DDC: variants seen among roughly 807,000 people sequenced by gnomAD.
DDC encodes the protein aromatic-L-amino-acid decarboxylase.
A neutral mutation model predicts 60.0 loss-of-function variants in DDC; 43 were observed. That is an observed-to-expected ratio of 0.72 (90% CI 0.56 to 0.92). The LOEUF is 0.92. Among genes scored for constraint, DDC ranks in the 40% least tolerant of loss-of-function variants. DDC has a pLI of 0.00. For synonymous variants in DDC, 232 were observed against 234.6 expected (o/e 0.99, Z 0.10); for missense variants, 573 against 620.2 (o/e 0.92, Z 0.81).
intron 11 of DDC, among the ~76,000 whole-genome samples, chr7:50,474,006 G>C (rs2042587296): frequency 6.6e-6 from 1 of 152,196 alleles, no homozygotes; most frequent in Non-Finnish European, 1.5e-5. Context: ...GTTGGAAAGG[G>C]AGTGCCAGTC....
At chr7:50,528,406 A>T in intron 5 of DDC, 126 bp from the exon 6 acceptor site, 1 of 1,162,700 alleles carries the variant, frequency 8.6e-7, no homozygotes, top group Non-Finnish European at 1.3e-6. Flanking sequence ...CAGGAGGCAG[A>T]ACTGCTCCTG....
chr7:50,540,168 C>A, intron 2 of DDC, 140 bp from the exon 3 acceptor site: 1 of 696,814 alleles, frequency 1.4e-6, no homozygotes. Flanking sequence ...CCCCAAATGT[C>A]AGCCATCCCA....
chr7:50,529,037 C>T (rs2044121123), intron 5 of DDC, among the ~76,000 whole-genome samples, 171 bp downstream of exon 5: 1 of 152,188 alleles, frequency 6.6e-6, no homozygotes, highest in Non-Finnish European at 1.5e-5. Context: ...TTGATCTATC[C>T]AGTTCCCACC....
chr7:50,475,010 G>A, intron 11 of DDC, among the ~76,000 whole-genome samples: 1 of 152,172 alleles, frequency 6.6e-6, no homozygotes, highest in East Asian at 1.9e-4. Context: ...AAATAACAGG[G>A]AAATAATTAT....
chr7:50,547,997 A>C (rs1451325313), intron 1 of DDC, among the ~76,000 whole-genome samples: 1 of 152,208 alleles, frequency 6.6e-6, no homozygotes, highest in Admixed American at 6.5e-5. Context: ...GTAATATTTC[A>C]AACCATTTCA....
chr7:50,530,248 C>T (rs2044162169), intron 4 of DDC, among the ~76,000 whole-genome samples: 1 of 151,924 alleles, frequency 6.6e-6, no homozygotes, highest in Non-Finnish European at 1.5e-5. Flanking sequence ...GAGTGAGACC[C>T]AGTCTCAAAA....
At chr7:50,516,667 T>C (rs2043740086) in intron 6 of DDC, among the ~76,000 whole-genome samples, 1 of 151,550 alleles carries the variant, frequency 6.6e-6, no homozygotes, top group South Asian at 2.1e-4. Context: ...TTAAATAAAA[T>C]TGATAGACCA....
chr7:50,560,532 C>T lies in DDC; in HGVS notation c.-29+4753G>A, dbSNP rs535070616. Among the ~76,000 whole-genome samples, 9 of 152,214 alleles carry T rather than the reference C, an allele frequency of 5.9e-5. No homozygotes were observed. In the South Asian group the frequency reaches 1.0e-3, roughly 18 times the overall value. ...GCTGTTAATTAGCTCCTCTCCTTCA[C>T]GTCTGAGGAAGGAAAGGCGGCCAGG... On this transcript the variant is annotated intron_variant, in intron 1 of 14. Coordinates refer to ENST00000444124, the MANE Select transcript of DDC (RefSeq NM_001082971.2).
chr7:50,564,341 G>T (rs1371037617), intron 1 of DDC: 1 of 152,224 alleles, frequency 6.6e-6, no homozygotes, highest in African/African-American at 2.4e-5. Context: ...TTGCTTGGCT[G>T]CCCGACAGCA....
chr7:50,554,505 A>G (rs1040083063), intron 1 of DDC, among the ~76,000 whole-genome samples: 37 of 152,232 alleles, frequency 2.4e-4, no homozygotes, highest in African/African-American at 8.4e-4. Context: ...TCTAGGACAC[A>G]TTATCTTCAC....
Position 50,529,328 on chromosome 7 carries a change from T to C in DDC, c.450A>G (p.Glu150=). Residue 150 remains glutamate (E), a synonymous_variant, in exon 5 of 15, where the codon GAA becomes GAG. Transcript: ENST00000444124. ...GGGVIQGSAS[E]ATLVALLAAR... The stretch of plus-strand genomic sequence containing the variant: ...CGGCCAGCAGGGCCACCAGGGTGGC[T>C]TCACTGGCACTTCCCTAAATTCAAG... 1 of 1,614,222 alleles carries C rather than the reference T, an allele frequency of 6.2e-7. No individual in the cohort carries two copies. The highest frequency in any genetic ancestry group is 2.2e-5 in the East Asian group (1 of 44,876).
In DDC at chr7:50,480,812, G is replaced by A. The variant is rs1444799939; in HGVS notation, c.945-949C>T. Among the ~76,000 whole-genome samples the A allele has an allele frequency of 2.0e-4, 30 of 152,310 alleles. 1 individual carries two copies. Among genetic ancestry groups the A allele is most frequent in the Admixed American group, 2.0e-3 (30 of 15,308 alleles). The stretch of plus-strand genomic sequence containing the variant: ...GGGTGAAAATCCCAAGGGCTAATGA[G>A]TGAGAAGGCCAGGATGCCCTGGGCT... On this transcript the variant is annotated intron_variant, in intron 9 of 14. Coordinates refer to ENST00000444124, the MANE Select transcript of DDC (RefSeq NM_001082971.2).
intron 6 of DDC, among the ~76,000 whole-genome samples, chr7:50,517,840 A>C (rs1338890633): frequency 2.0e-5 from 3 of 151,254 alleles, no homozygotes; most frequent in Middle Eastern, 3.4e-3. Context: ...AAAAAAAAAA[A>C]AAAAAACCTT....
chr7:50,503,651 C>T (rs901667719), intron 7 of DDC, among the ~76,000 whole-genome samples: 6 of 152,200 alleles, frequency 3.9e-5, no homozygotes, highest in Non-Finnish European at 5.9e-5. Context: ...GGTGTATGCA[C>T]GACCCACATA....
chr7:50,530,350 C>T (rs562144587), intron 4 of DDC, among the ~76,000 whole-genome samples: 1 of 152,238 alleles, frequency 6.6e-6, no homozygotes, highest in South Asian at 2.1e-4. Context: ...AGAAGGTGGC[C>T]ATCTGCAAGC....
chr7:50,528,316 T>C, intron 5 of DDC, 36 bp from the exon 6 acceptor site: 1 of 1,613,424 alleles, frequency 6.2e-7, no homozygotes, highest in South Asian at 1.1e-5. Flanking sequence ...TTTGTACAGG[T>C]GTGTGCATGC....
intron 4 of DDC, among the ~76,000 whole-genome samples, chr7:50,530,639 G>T (rs1489571484): frequency 6.6e-6 from 1 of 152,070 alleles, no homozygotes; most frequent in Non-Finnish European, 1.5e-5. Context: ...GTAGGGCACG[G>T]TTAGGAGTGA....
chr7:50,515,588 T>C (rs554666635), intron 6 of DDC, among the ~76,000 whole-genome samples: 2 of 152,130 alleles, frequency 1.3e-5, no homozygotes, highest in South Asian at 4.1e-4. Context: ...CATATTTCAA[T>C]ACCAAAATTG....
At chr7:50,520,544 G>C (rs1221315696) in intron 6 of DDC, among the ~76,000 whole-genome samples, 1 of 152,158 alleles carries the variant, frequency 6.6e-6, no homozygotes, top group East Asian at 1.9e-4. Context: ...AACTGAATGA[G>C]TACATTAGAA....
Sources: allele counts gnomAD v4.1 joint callset (sites outside exome capture counted in the v4.1 genomes callset), GRCh38; gene constraint gnomAD v4.1.1; transcripts MANE v1.5; gene names NCBI Gene and HGNC (gene_info 2026-07-23, HGNC 2026-07-21).